Variants in PLXNA2 observed in about 807,000 individuals in gnomAD.
The protein encoded by PLXNA2 is plexin A2.
PLXNA2 carries 91 observed loss-of-function variants against 193.5 expected under a neutral mutation model. That is an observed-to-expected ratio of 0.47 (90% CI 0.40 to 0.56). The LOEUF (loss-of-function observed/expected upper bound fraction) is 0.56. Among genes scored for constraint, PLXNA2 ranks in the 20% least tolerant of loss-of-function variants. The pLI is 0.00. For synonymous variants in PLXNA2, 997 were observed against 1,027.3 expected (o/e 0.97, Z 0.56); for missense variants, 1,995 against 2,503.2 (o/e 0.80, Z 4.33).
intron 3 of PLXNA2, among the ~76,000 whole-genome samples, chr1:208,165,990 C>T (rs1669291576): frequency 6.6e-6 from 1 of 152,182 alleles, no homozygotes. Flanking sequence ...TACCGATGAA[C>T]TGAGAGTTAC....
chr1:208,160,245 G>A (rs1015046751), intron 3 of PLXNA2, among the ~76,000 whole-genome samples: 5 of 152,128 alleles, frequency 3.3e-5, no homozygotes, highest in African/African-American at 1.2e-4. Flanking sequence ...AAGGGTTATT[G>A]CGGGGAATTT....
At chr1:208,060,983 G>C in intron 12 of PLXNA2, 146 bp from the exon 13 acceptor site, 1 of 639,390 alleles carries the variant, frequency 1.6e-6, no homozygotes, top group Non-Finnish European at 2.7e-6. Flanking sequence ...AGTGCGTTTT[G>C]TCCACTTTTT....
chr1:208,205,171 T>C (rs1028184643), intron 3 of PLXNA2, among the ~76,000 whole-genome samples: 11 of 152,148 alleles, frequency 7.2e-5, no homozygotes, highest in Admixed American at 3.3e-4. Context: ...CCCCATGGCA[T>C]GAGCTTGATT....
At chr1:208,080,232 T>G (rs1666291711) in intron 11 of PLXNA2, among the ~76,000 whole-genome samples, 1 of 152,182 alleles carries the variant, frequency 6.6e-6, no homozygotes, top group Non-Finnish European at 1.5e-5. Flanking sequence ...TGACACAGTC[T>G]GTTCCCAGCC....
chr1:208,027,915 A>T (rs1664387890), intron 31 of PLXNA2, 94 bp downstream of exon 31: 1 of 1,221,758 alleles, frequency 8.2e-7, no homozygotes, highest in African/African-American at 1.5e-5. Flanking sequence ...TGACTCCCTG[A>T]ATGTGTTTTC....
At chr1:208,084,327 C>G (rs1186244638) in intron 10 of PLXNA2, 53 bp downstream of exon 10, 1 of 1,581,404 alleles carries the variant, frequency 6.3e-7, no homozygotes, top group South Asian at 1.1e-5. Flanking sequence ...GGCCCCAGCA[C>G]GAGTGTGAGA....
intron 21 of PLXNA2, among the ~76,000 whole-genome samples, chr1:208,042,754 G>C (rs531912125): frequency 6.6e-6 from 1 of 152,326 alleles, no homozygotes; most frequent in South Asian, 2.1e-4. Flanking sequence ...AAACCTCATA[G>C]AATCCTGTGT....
At chr1:208,184,826 C>T (rs1249546192) in intron 3 of PLXNA2, among the ~76,000 whole-genome samples, 1 of 152,178 alleles carries the variant, frequency 6.6e-6, no homozygotes, top group East Asian at 1.9e-4. Context: ...TCTCAGTAAG[C>T]CTCAGCTGTT....
At chr1:208,074,358 C>T (rs533366104) in intron 12 of PLXNA2, among the ~76,000 whole-genome samples, 23 of 152,210 alleles carry the variant, frequency 1.5e-4, no homozygotes, top group Non-Finnish European at 2.6e-4. Flanking sequence ...ACAGGTGACA[C>T]GTGCACAGAC....
At chr1:208,052,485 T>C (rs1665296929) in intron 14 of PLXNA2, 22 bp from the exon 15 acceptor site, 1 of 1,612,894 alleles carries the variant, frequency 6.2e-7, no homozygotes, top group African/African-American at 1.3e-5. Context: ...AGCAGAGAAA[T>C]GACTACAGCT....
At chr1:208,050,972 GT>G in intron 17 of PLXNA2, 36 bp downstream of exon 17, 9 of 1,476,332 alleles carry the variant, frequency 6.1e-6, no homozygotes, top group Non-Finnish European at 8.5e-6. Context: ...ACAGAGCTGT[GT>G]TTACCAAAGG....
In PLXNA2 at chr1:208,101,724, G is replaced by T. The variant is rs557846116; in HGVS notation, c.1607+1423C>A. Among the ~76,000 whole-genome samples the T allele has an allele frequency of 6.2e-4, 94 of 152,290 alleles. 1 individual carries two copies. Among genetic ancestry groups the T allele is most frequent in the African/African-American group, 2.0e-3 (85 of 41,564 alleles). ...TGCTGTTGAATAAATGATAATCCCC[G>T]ATCTATAATTTTGGTGTGTTCGACA... On this transcript the variant is annotated intron_variant, in intron 5 of 31. Coordinates refer to ENST00000367033, the MANE Select transcript of PLXNA2 (RefSeq NM_025179.4).
chr1:208,038,473 C>T lies in PLXNA2; in HGVS notation c.4662G>A (p.Glu1554=). The T allele has an allele frequency of 6.2e-7, 1 of 1,613,314 alleles. No homozygotes were observed. Among genetic ancestry groups the T allele is most frequent in the Non-Finnish European group, 8.5e-7 (1 of 1,179,254 alleles). The change falls in exon 26 of 32, where the codon GAG becomes GAA. Residue 1554 remains glutamate, a splice_region_variant and synonymous_variant. Transcript: ENST00000367033. The surrounding 1 kb of genome is among the most constrained non-coding windows in gnomAD (Gnocchi z 4.1). ...CCCGGGCGATCCGGCCTTGGCGCCA[C>T]TCTGGGTGGAGGGGGTGGTGCAGGG... ...QRPRAVDMDL[E]WRQGRIARVV... is the part of the protein sequence containing the mutation.
rs545351470 is a variant in PLXNA2 at position 208,081,433 on chromosome 1, G to A, written c.2395+979C>T. 2.6e-5 allele frequency among the ~76,000 whole-genome samples: 4 copies of A among 152,288 alleles called. No individual in the cohort carries two copies. The East Asian group carries it at 7.7e-4, about 29-fold the overall frequency. ...TGACAACCCTAGCTACTTGAAGTGT[G>A]GCAAGGCTTGTGGCTGAGGGTAGGA... is the stretch of plus-strand genomic sequence containing the variant. On this transcript the variant is annotated intron_variant, in intron 11 of 31. Coordinates refer to ENST00000367033, the MANE Select transcript of PLXNA2 (RefSeq NM_025179.4).
At chr1:208,042,430 G>T in intron 21 of PLXNA2, 64 bp from the exon 22 acceptor site, 2 of 1,555,252 alleles carry the variant, frequency 1.3e-6, no homozygotes, top group Non-Finnish European at 1.8e-6. Context: ...CTACCTGAGG[G>T]TCTCACTGAG....
chr1:208,213,098 G>T (rs139487605), intron 2 of PLXNA2, among the ~76,000 whole-genome samples: 321 of 152,118 alleles, frequency 2.1e-3, no homozygotes, highest in African/African-American at 7.4e-3. Flanking sequence ...AATGATGACA[G>T]AAGCAAAAAC....
intron 3 of PLXNA2, among the ~76,000 whole-genome samples, chr1:208,176,436 T>A (rs991091590): frequency 6.6e-6 from 1 of 152,114 alleles, no homozygotes; most frequent in African/African-American, 2.4e-5. Flanking sequence ...TTTCTTGGGG[T>A]CATGAAGAAT....
chr1:208,143,140 G>T (rs1668504529), intron 3 of PLXNA2, among the ~76,000 whole-genome samples: 1 of 152,136 alleles, frequency 6.6e-6, no homozygotes, highest in African/African-American at 2.4e-5. Flanking sequence ...GAATCATCTG[G>T]GGAGCTTTAA....
At chr1:208,133,321 T>C (rs1359753913) in intron 4 of PLXNA2, among the ~76,000 whole-genome samples, 2 of 152,254 alleles carry the variant, frequency 1.3e-5, no homozygotes, top group Non-Finnish European at 2.9e-5. Flanking sequence ...TATACATCAT[T>C]GCGCTTCTCC....
Sources: allele counts gnomAD v4.1 joint callset (sites outside exome capture counted in the v4.1 genomes callset), GRCh38; gene constraint gnomAD v4.1.1; non-coding constraint Gnocchi (gnomAD v3.1); transcripts MANE v1.5; gene names NCBI Gene and HGNC (gene_info 2026-07-23, HGNC 2026-07-21).